Variants in ANGPT4 observed in about 807,000 individuals in gnomAD.
The protein encoded by ANGPT4 is angiopoietin-4.
A neutral mutation model predicts 53.0 loss-of-function variants in ANGPT4; 50 were observed. That is an observed-to-expected ratio of 0.94 (90% CI 0.75 to 1.20). ANGPT4 has a LOEUF of 1.20. Among genes scored for constraint, ANGPT4 ranks in the 50% most tolerant of loss-of-function variants. The pLI is 0.00. For missense variants in ANGPT4, 648 were observed against 637.1 expected (o/e 1.02, Z -0.18); for synonymous variants, 251 against 259.7 (o/e 0.97, Z 0.32).
At chr20:875,434 G>C (rs538228650) in intron 7 of ANGPT4, among the ~76,000 whole-genome samples, 1 of 152,180 alleles carries the variant, frequency 6.6e-6, no homozygotes, top group Admixed American at 6.5e-5. Context: ...TCTTTGCCAG[G>C]CTCTGTGGCC....
intron 1 of ANGPT4, among the ~76,000 whole-genome samples, chr20:906,134 T>C (rs1479634975): frequency 6.6e-6 from 1 of 152,204 alleles, no homozygotes; most frequent in Non-Finnish European, 1.5e-5. Flanking sequence ...AATTAGATAT[T>C]GTAGAAACGT....
chr20:897,757 C>T (rs1381062006), intron 1 of ANGPT4, among the ~76,000 whole-genome samples: 1 of 152,190 alleles, frequency 6.6e-6, no homozygotes, highest in Non-Finnish European at 1.5e-5. Context: ...TTAAACTTAC[C>T]TCTTCACTGT....
chr20:909,241 G>T (rs1421708716), intron 1 of ANGPT4, among the ~76,000 whole-genome samples: 2 of 152,136 alleles, frequency 1.3e-5, no homozygotes, highest in Non-Finnish European at 2.9e-5. Context: ...CCCAGAGAAA[G>T]TCCCATATGT....
rs536964315 is a variant in ANGPT4, at chr20:878,746, C to T, written c.1054-419G>A. The stretch of plus-strand genomic sequence containing the variant: ...CACTGAGCCTTACACTTTATTTGTG[C>T]GCTTAGACACATGTACGTTAAACCT... On this transcript the variant is annotated intron_variant, in intron 6 of 8. Coordinates refer to ENST00000381922, the MANE Select transcript of ANGPT4 (RefSeq NM_015985.4). 1.2e-4 allele frequency among the ~76,000 whole-genome samples: 18 copies of T among 152,142 alleles called. No homozygotes were observed. The South Asian group carries it at 2.3e-3, about 19-fold the overall frequency.
At chr20:912,047 A>C (rs558517350) in intron 1 of ANGPT4, among the ~76,000 whole-genome samples, 1 of 151,888 alleles carries the variant, frequency 6.6e-6, no homozygotes, top group African/African-American at 2.4e-5. Flanking sequence ...ACTGGGGAAG[A>C]TGTGCTGCCC....
chr20:910,119 C>T (rs1437286800), intron 1 of ANGPT4, among the ~76,000 whole-genome samples: 2 of 152,126 alleles, frequency 1.3e-5, no homozygotes, highest in African/African-American at 2.4e-5. Flanking sequence ...TAATAGGTTC[C>T]GGCATCAGAT....
At chr20:909,261 C>A (rs56256143) in intron 1 of ANGPT4, among the ~76,000 whole-genome samples, 22,930 of 152,054 alleles carry the variant, frequency 0.15, 2,139 homozygotes, top group African/African-American at 0.26. Context: ...TGAATTCACC[C>A]CAGCAAAGCA....
chr20:870,945 A>G lies in ANGPT4; in HGVS notation c.*2015T>C, dbSNP rs924401119. ...GAAGGAATATTATCATCTCCATTTT[A>G]CAGATGGGAAAACTGAGGCTTTGAT... On this transcript the variant is annotated 3_prime_UTR_variant, in exon 9 of 9. Coordinates refer to ENST00000381922, the MANE Select transcript of ANGPT4 (RefSeq NM_015985.4). 1.3e-5 allele frequency: 2 copies of G among 152,226 alleles called. No homozygotes were observed. The highest frequency in any genetic ancestry group is 4.8e-5 in the African/African-American group (2 of 41,442). 9.4% of individuals were successfully genotyped at this position (152,226 alleles called of 1,614,324 possible). A position where few individuals can be genotyped will look rare whatever the true frequency, so the allele number is the denominator to read the frequency against.
At chr20:882,005 C>A (rs1363115411) in intron 4 of ANGPT4, among the ~76,000 whole-genome samples, 3 of 152,166 alleles carry the variant, frequency 2.0e-5, no homozygotes, top group South Asian at 2.1e-4. Flanking sequence ...TAAGGCAGAA[C>A]CTTCCTTCTT....
intron 7 of ANGPT4, among the ~76,000 whole-genome samples, chr20:876,579 C>T (rs143225957): frequency 6.6e-6 from 1 of 152,324 alleles, no homozygotes; most frequent in Non-Finnish European, 1.5e-5. Flanking sequence ...ATTCAGGCCT[C>T]ATCACACCCT....
intron 1 of ANGPT4, among the ~76,000 whole-genome samples, chr20:904,746 C>T (rs930718674): frequency 1.3e-5 from 2 of 152,222 alleles, no homozygotes; most frequent in Non-Finnish European, 2.9e-5. Context: ...CCCACCTCAG[C>T]CTCCCAAGTA....
rs525608 is a variant in ANGPT4 at position 914,395 on chromosome 20, G to A, written c.309+1511C>T. ...GATAGGAGGCTGGGGTAAGCAAAGTGGGAGTCTGGGAGAGGGAACTCCAGG... is the reference window on the plus strand; with the variant it reads ...GATAGGAGGCTGGGGTAAGCAAAGTAGGAGTCTGGGAGAGGGAACTCCAGG... On this transcript the variant is annotated intron_variant, in intron 1 of 8. Transcript: ENST00000381922. The surrounding 1 kb of genome is among the most constrained non-coding windows in gnomAD (Gnocchi z 5.0). Among the ~76,000 whole-genome samples the A allele has an allele frequency of 0.047, 7,118 of 152,146 alleles. 394 individuals carry two copies. Among genetic ancestry groups the A allele is most frequent in the African/African-American group, 0.13 (5,465 of 41,468 alleles).
intron 1 of ANGPT4, among the ~76,000 whole-genome samples, chr20:909,454 C>T (rs921527316): frequency 6.6e-6 from 1 of 152,130 alleles, no homozygotes; most frequent in African/African-American, 2.4e-5. Flanking sequence ...AGTTACACAG[C>T]TAATAATCTC....
At chr20:886,284 G>A (rs189744070) in intron 3 of ANGPT4, among the ~76,000 whole-genome samples, 1 of 152,310 alleles carries the variant, frequency 6.6e-6, no homozygotes, top group Admixed American at 6.5e-5. Flanking sequence ...TAAAAGGCTG[G>A]AAGCAACCTC....
intron 2 of ANGPT4, among the ~76,000 whole-genome samples, chr20:889,022 TG>T (rs1178744432): frequency 6.6e-6 from 1 of 152,218 alleles, no homozygotes; most frequent in African/African-American, 2.4e-5. Flanking sequence ...GGTCTCCTGA[TG>T]TTCTTGAACC....
chr20:872,858 A>C lies in ANGPT4; in HGVS notation c.*102T>G. ...GCTGGCTCAGGAAGCCCAGGGTGTC[A>C]GGGAAGGCGGTGGCACAGTGTCTTG... On this transcript the variant is annotated 3_prime_UTR_variant, in exon 9 of 9. Transcript: ENST00000381922. 6.8e-7 allele frequency: 1 copy of C among 1,463,368 alleles called. No individual in the cohort carries two copies. The highest frequency in any genetic ancestry group is 9.3e-7 in the Non-Finnish European group (1 of 1,073,956). The allele number at this position is 1,463,368 out of a possible 1,614,324, so 90.6% of individuals were successfully genotyped here.
intron 1 of ANGPT4, among the ~76,000 whole-genome samples, chr20:894,410 G>A (rs886166013): frequency 6.6e-6 from 1 of 152,160 alleles, no homozygotes; most frequent in African/African-American, 2.4e-5. Context: ...AGTAGTAGGG[G>A]TGGTGCAGTT....
At position 878,149 on chromosome 20, in the gene ANGPT4, C is replaced by T; in HGVS notation, c.1220+12G>A. Reference sequence around the variant, plus strand: ...ACCCCAGCCCCCACAACGGCCTGGGCCCCGAACCCACCTGTATAGCTGGTT... The same window carrying T: ...ACCCCAGCCCCCACAACGGCCTGGGTCCCGAACCCACCTGTATAGCTGGTT... On this transcript the variant is annotated intron_variant, in intron 7 of 8. Coordinates refer to ENST00000381922, the MANE Select transcript of ANGPT4 (RefSeq NM_015985.4). 2 of 1,580,938 alleles carry T rather than the reference C, an allele frequency of 1.3e-6. No homozygotes were observed. Among genetic ancestry groups the T allele is most frequent in the South Asian group, 1.1e-5 (1 of 89,318 alleles).
chr20:883,203 C>T (rs6055553), intron 4 of ANGPT4, among the ~76,000 whole-genome samples: 21,563 of 152,250 alleles, frequency 0.14, 1,687 homozygotes, highest in South Asian at 0.23. Flanking sequence ...GCTTGAACTC[C>T]GGCCCATCTG....
Sources: gnomAD v4.1 joint callset for allele counts (sites outside exome capture counted in the v4.1 genomes callset) on GRCh38, gnomAD v4.1.1 for gene constraint, Gnocchi (gnomAD v3.1) non-coding constraint, MANE v1.5 for transcripts, NCBI Gene and HGNC (gene_info 2026-07-23, HGNC 2026-07-21) for gene names.